DKK2: variants seen among roughly 807,000 people sequenced by gnomAD.
DKK2 encodes dickkopf Wnt signaling pathway inhibitor 2.
A neutral mutation model predicts 28.1 loss-of-function variants in DKK2; 11 were observed. The observed-to-expected ratio is 0.39, with a 90% CI of 0.25 to 0.65. DKK2 has a LOEUF of 0.65. DKK2 is among the 30% of genes least tolerant of loss of function. The probability of loss-of-function intolerance (pLI) is 0.47; values close to 1 mark genes in which losing one functional copy is unlikely to be tolerated. For synonymous variants in DKK2, 135 were observed against 126.5 expected (o/e 1.07, Z -0.45); for missense variants, 326 against 335.5 (o/e 0.97, Z 0.22).
chr4:107,006,938 T>C (rs1723445560), intron 1 of DKK2, among the ~76,000 whole-genome samples: 1 of 152,116 alleles, frequency 6.6e-6, no homozygotes, highest in Non-Finnish European at 1.5e-5. Context: ...ATAAGTATTG[T>C]TAACACAACA....
chr4:106,956,853 A>G (rs1318275910), intron 1 of DKK2, among the ~76,000 whole-genome samples: 1 of 151,128 alleles, frequency 6.6e-6, no homozygotes, highest in Non-Finnish European at 1.5e-5. Flanking sequence ...CAAGGACTTC[A>G]TGTCTAAAAC....
chr4:106,979,012 G>A lies in DKK2; in HGVS notation c.223-53063C>T, dbSNP rs899139558. Among the ~76,000 whole-genome samples, 5 of 152,070 alleles carry A rather than the reference G, an allele frequency of 3.3e-5. No homozygotes were observed. In the East Asian group the frequency reaches 9.7e-4, roughly 29 times the overall value. Reference sequence around the variant, plus strand: ...TCACAGCTTCCCTTGGGTAGGGGAAGGAGTTCCCCGACCTGTATTAATCTT... The same window carrying A: ...TCACAGCTTCCCTTGGGTAGGGGAAAGAGTTCCCCGACCTGTATTAATCTT... On this transcript the variant is annotated intron_variant, in intron 1 of 3. Coordinates refer to ENST00000285311, the MANE Select transcript of DKK2 (RefSeq NM_014421.3).
At chr4:106,958,054 T>C (rs1722627310) in intron 1 of DKK2, among the ~76,000 whole-genome samples, 1 of 150,896 alleles carries the variant, frequency 6.6e-6, no homozygotes, top group African/African-American at 2.4e-5. Flanking sequence ...TAGAATTGTC[T>C]GCATTTCAAA....
At chr4:106,971,233 A>T (rs759812805) in intron 1 of DKK2, among the ~76,000 whole-genome samples, 2 of 152,140 alleles carry the variant, frequency 1.3e-5, no homozygotes, top group Non-Finnish European at 2.9e-5. Flanking sequence ...TCTAAGTGAT[A>T]CTGAGCCATT....
chr4:106,955,165 CTGAA>C (rs1722571525), intron 1 of DKK2, among the ~76,000 whole-genome samples: 1 of 152,010 alleles, frequency 6.6e-6, no homozygotes, highest in Non-Finnish European at 1.5e-5. Context: ...TTACTGGAAA[CTGAA>C]TGGGCTTTTA....
intron 1 of DKK2, among the ~76,000 whole-genome samples, chr4:107,018,153 T>C (rs926396277): frequency 6.6e-6 from 1 of 152,096 alleles, no homozygotes; most frequent in African/African-American, 2.4e-5. Flanking sequence ...GTTATCACCT[T>C]AGCTGGAGCT....
At chr4:107,031,741 G>A (rs1440338949) in intron 1 of DKK2, among the ~76,000 whole-genome samples, 3 of 151,954 alleles carry the variant, frequency 2.0e-5, no homozygotes, top group East Asian at 3.8e-4. Context: ...AAGACAAAAC[G>A]AGAAGAATAA....
At chr4:106,931,675 A>G (rs954635304) in intron 1 of DKK2, among the ~76,000 whole-genome samples, 5 of 152,204 alleles carry the variant, frequency 3.3e-5, no homozygotes, top group Non-Finnish European at 7.4e-5. Context: ...GAAATTAATC[A>G]CAACATATTT....
chr4:106,957,350 C>A (rs1419754060), intron 1 of DKK2, among the ~76,000 whole-genome samples: 3 of 151,826 alleles, frequency 2.0e-5, no homozygotes, highest in Admixed American at 2.0e-4. Flanking sequence ...TGTGGCGATT[C>A]CTCAGGGATC....
intron 1 of DKK2, among the ~76,000 whole-genome samples, chr4:106,961,892 A>G (rs78311490): frequency 0.061 from 9,361 of 152,260 alleles, 314 homozygotes; most frequent in Non-Finnish European, 0.074. Context: ...TTAAAACAAT[A>G]TCTGACATTA....
At chr4:106,957,592 T>C (rs1453564289) in intron 1 of DKK2, among the ~76,000 whole-genome samples, 3 of 151,822 alleles carry the variant, frequency 2.0e-5, no homozygotes, top group Non-Finnish European at 2.9e-5. Flanking sequence ...GATGAGTTCA[T>C]GTCCTTTGTA....
rs1344564494 is a variant in DKK2, at chr4:106,985,641, T to C, written c.222+49729A>G. Among the ~76,000 whole-genome samples the C allele has an allele frequency of 4.6e-5, 7 of 151,228 alleles. No homozygotes were observed. The East Asian group carries it at 1.2e-3, about 25-fold the overall frequency. The stretch of plus-strand genomic sequence containing the variant: ...CTGGCCAACATGGTGAGACCTCGTT[T>C]CTACTAAAAATACAAAAATTAGCCC... On this transcript the variant is annotated intron_variant, in intron 1 of 3. Transcript: ENST00000285311.
At chr4:106,943,610 G>A (rs1268628508) in intron 1 of DKK2, among the ~76,000 whole-genome samples, 2 of 152,112 alleles carry the variant, frequency 1.3e-5, no homozygotes, top group Admixed American at 6.6e-5. Flanking sequence ...ACATTGGCTA[G>A]TGAGTACTTT....
chr4:107,022,838 T>C (rs1723716557), intron 1 of DKK2, among the ~76,000 whole-genome samples: 1 of 152,142 alleles, frequency 6.6e-6, no homozygotes, highest in South Asian at 2.1e-4. Flanking sequence ...AATTACAGTA[T>C]AATTGCTTTG....
intron 1 of DKK2, among the ~76,000 whole-genome samples, chr4:107,028,095 C>T (rs1026617344): frequency 6.6e-6 from 1 of 152,162 alleles, no homozygotes; most frequent in Admixed American, 6.5e-5. Context: ...TTTCCATGCT[C>T]TTTCCACAAT....
At position 106,949,018 on chromosome 4, in the gene DKK2, C is replaced by T. The variant is rs1250110002; in HGVS notation, c.223-23069G>A. 3.3e-5 allele frequency among the ~76,000 whole-genome samples: 5 copies of T among 152,044 alleles called. 1 individual carries two copies. ...TTGAGGCCAATGTTTTAGCATCAAC[C>T]AAAAACCATTTTCTTTGCCCTTTCC... On this transcript the variant is annotated intron_variant, in intron 1 of 3. Transcript: ENST00000285311.
chr4:107,020,669 T>C (rs1250506356), intron 1 of DKK2, among the ~76,000 whole-genome samples: 1 of 152,120 alleles, frequency 6.6e-6, no homozygotes, highest in Non-Finnish European at 1.5e-5. Flanking sequence ...AATAATTAAA[T>C]CAAGCCATGC....
intron 1 of DKK2, among the ~76,000 whole-genome samples, chr4:106,954,130 T>C (rs1227701644): frequency 6.6e-6 from 1 of 152,250 alleles, no homozygotes; most frequent in Non-Finnish European, 1.5e-5. Context: ...ATATAAGCTC[T>C]AGAGTAGAAA....
rs80271684 is a variant in DKK2, at chr4:106,932,301, T to A, written c.223-6352A>T. Among the ~76,000 whole-genome samples, 187 of 152,278 alleles carry A rather than the reference T, an allele frequency of 1.2e-3. 4 individuals are homozygous for A. In the East Asian group the frequency reaches 0.031, roughly 25 times the overall value. On this transcript the variant is annotated intron_variant, in intron 1 of 3. Coordinates refer to ENST00000285311, the MANE Select transcript of DKK2 (RefSeq NM_014421.3). ...GTGGTCCATTAGCCTCTCCAATGTA[T>A]TCAGAAAGCGTCATTTAAATCCAAA...
Sources: gnomAD v4.1 joint callset for allele counts (sites outside exome capture counted in the v4.1 genomes callset) on GRCh38, gnomAD v4.1.1 for gene constraint, MANE v1.5 for transcripts, NCBI Gene and HGNC (gene_info 2026-07-23, HGNC 2026-07-21) for gene names.